Variants in LINGO2 observed in about 807,000 individuals in gnomAD.
LINGO2 encodes leucine rich repeat and Ig domain containing 2.
A neutral mutation model predicts 30.6 loss-of-function variants in LINGO2; 14 were observed. The ratio of observed to expected loss-of-function variants is 0.46; its 90% CI spans 0.30 to 0.72. The LOEUF is 0.72. Among genes scored for constraint, LINGO2 ranks in the 30% least tolerant of loss-of-function variants. LINGO2 has a pLI of 0.07. For synonymous variants in LINGO2, 317 were observed against 288.5 expected (o/e 1.10, Z -1.00); for missense variants, 729 against 751.7 (o/e 0.97, Z 0.35).
At chr9:28,926,321 G>T in the LINGO2 span, among the ~76,000 whole-genome samples, 2 of 152,060 alleles carry the variant, frequency 1.3e-5, no homozygotes, top group Middle Eastern at 3.4e-3. Flanking sequence ...CTCAAAAAAA[G>T]AAAAGAAAAG....
At chr9:28,791,968 C>T in the LINGO2 span, among the ~76,000 whole-genome samples, 1 of 150,916 alleles carries the variant, frequency 6.6e-6, no homozygotes, top group Non-Finnish European at 1.5e-5. Flanking sequence ...TAATTATGTT[C>T]TCATCTCTAA....
chr9:28,007,972 G>A (rs552311703), intron 5 of LINGO2, among the ~76,000 whole-genome samples: 1 of 152,246 alleles, frequency 6.6e-6, no homozygotes, highest in South Asian at 2.1e-4. Context: ...CATTCATGTG[G>A]CATCTTCCGC....
chr9:28,049,655 TTGATA>T (rs1257768903), intron 4 of LINGO2, among the ~76,000 whole-genome samples: 1 of 150,788 alleles, frequency 6.6e-6, no homozygotes, highest in African/African-American at 2.4e-5. Context: ...ATGTCACAAA[TTGATA>T]TAAGGATGAA....
the LINGO2 span, among the ~76,000 whole-genome samples, chr9:28,944,492 G>T: frequency 6.6e-6 from 1 of 152,068 alleles, no homozygotes; most frequent in Non-Finnish European, 1.5e-5. Flanking sequence ...TGCAACCTCT[G>T]CCTCCCGGGT....
chr9:28,154,868 A>G (rs55953675), intron 4 of LINGO2, among the ~76,000 whole-genome samples: 11,794 of 152,250 alleles, frequency 0.077, 584 homozygotes, highest in African/African-American at 0.13. Flanking sequence ...TAGTTGTTTT[A>G]TTTCTTATTT....
intron 3 of LINGO2, among the ~76,000 whole-genome samples, chr9:28,336,723 G>A (rs1451680899): frequency 6.6e-6 from 1 of 152,040 alleles, no homozygotes; most frequent in African/African-American, 2.4e-5. Context: ...GTAAATGTAT[G>A]TGCATCTGGG....
intron 4 of LINGO2, among the ~76,000 whole-genome samples, chr9:28,242,387 A>G (rs963922157): frequency 1.1e-4 from 16 of 152,184 alleles, no homozygotes; most frequent in African/African-American, 2.4e-5. Context: ...TTGGAAGACT[A>G]TCTTGCTGAA....
chr9:28,615,878 G>A (rs1391293051), intron 1 of LINGO2, among the ~76,000 whole-genome samples: 2 of 152,074 alleles, frequency 1.3e-5, no homozygotes, highest in African/African-American at 4.8e-5. Flanking sequence ...GATGGATCTT[G>A]TAAACAGGAG....
chr9:28,699,844 C>A, the LINGO2 span, among the ~76,000 whole-genome samples: 3 of 151,894 alleles, frequency 2.0e-5, no homozygotes, highest in Non-Finnish European at 4.4e-5. Flanking sequence ...CTGCAGTACC[C>A]TCAGGCTTAC....
At chr9:28,470,951 T>A (rs1025922648) in intron 2 of LINGO2, among the ~76,000 whole-genome samples, 11 of 148,234 alleles carry the variant, frequency 7.4e-5, no homozygotes, top group African/African-American at 2.4e-4. Flanking sequence ...ATATTATACA[T>A]AATTTTCTTT....
the LINGO2 span, among the ~76,000 whole-genome samples, chr9:29,062,392 C>CT: frequency 6.6e-6 from 1 of 152,230 alleles, no homozygotes; most frequent in South Asian, 2.1e-4. Context: ...CACACCCATG[C>CT]TCACTGCAGC....
intron 2 of LINGO2, among the ~76,000 whole-genome samples, chr9:28,468,650 A>G (rs1460865458): frequency 6.6e-6 from 1 of 152,216 alleles, no homozygotes; most frequent in East Asian, 1.9e-4. Flanking sequence ...AACATTAAAA[A>G]CAACAGACTG....
At chr9:28,651,720 TG>T (rs1828111278) in intron 1 of LINGO2, among the ~76,000 whole-genome samples, 1 of 152,194 alleles carries the variant, frequency 6.6e-6, no homozygotes, top group South Asian at 2.1e-4. Flanking sequence ...TTCTAACATT[TG>T]TAATGGGCCC....
At chr9:27,957,578 C>T (rs544937215) in intron 5 of LINGO2, among the ~76,000 whole-genome samples, 1 of 152,172 alleles carries the variant, frequency 6.6e-6, no homozygotes, top group Admixed American at 6.5e-5. Flanking sequence ...CAGGCGTGAG[C>T]CACCGCACCC....
the LINGO2 span, among the ~76,000 whole-genome samples, chr9:28,890,882 T>C: frequency 1.3e-5 from 2 of 151,980 alleles, no homozygotes; most frequent in African/African-American, 4.8e-5. Context: ...CTTCAGCAGC[T>C]AACAAAATCA....
chr9:29,082,687 G>C, the LINGO2 span, among the ~76,000 whole-genome samples: 822 of 152,008 alleles, frequency 5.4e-3, 11 homozygotes, highest in African/African-American at 0.019. Flanking sequence ...ACTCATCTGA[G>C]AAAGGGCTAA....
At chr9:28,155,600 T>A (rs925986779) in intron 4 of LINGO2, among the ~76,000 whole-genome samples, 2 of 152,160 alleles carry the variant, frequency 1.3e-5, no homozygotes, top group African/African-American at 4.8e-5. Flanking sequence ...GAATAAACAT[T>A]AAGTCATATC....
chr9:28,087,430 G>C (rs1253490104), intron 4 of LINGO2, among the ~76,000 whole-genome samples: 1 of 151,816 alleles, frequency 6.6e-6, no homozygotes, highest in African/African-American at 2.4e-5. Flanking sequence ...TTCCCTTAAG[G>C]GTAAAAACGA....
chr9:28,892,065 A>AT, the LINGO2 span, among the ~76,000 whole-genome samples: 109 of 151,976 alleles, frequency 7.2e-4, no homozygotes, highest in Middle Eastern at 0.01. Context: ...TTCTTTATAA[A>AT]TTTTTTTACC....
Sources: gnomAD v4.1 joint callset for allele counts (sites outside exome capture counted in the v4.1 genomes callset) on GRCh38, gnomAD v4.1.1 for gene constraint, MANE v1.5 for transcripts, NCBI Gene and HGNC (gene_info 2026-07-23, HGNC 2026-07-21) for gene names.